Variants in COL22A1 observed in about 807,000 individuals in gnomAD.
COL22A1 encodes the protein collagen alpha-1(XXII) chain.
A neutral mutation model predicts 248.9 loss-of-function variants in COL22A1; 221 were observed. The observed-to-expected ratio is 0.89, with a 90% CI of 0.80 to 0.99. COL22A1 has a LOEUF of 0.99. Ranked by LOEUF, COL22A1 falls within the 50% of genes least tolerant of loss-of-function variation. The pLI is 0.00. For missense variants in COL22A1, 2,240 were observed against 2,179.0 expected (o/e 1.03, Z -0.56); for synonymous variants, 891 against 793.4 (o/e 1.12, Z -2.07).
chr8:138,885,538 C>A (rs1286281241), intron 1 of COL22A1, among the ~76,000 whole-genome samples: 1 of 152,118 alleles, frequency 6.6e-6, no homozygotes, highest in African/African-American at 2.4e-5. Context: ...CTCCTACCTA[C>A]TATATTCACC....
At chr8:138,778,220 C>CT (rs1563751224) in intron 15 of COL22A1, 133 bp downstream of exon 15, 1 of 919,120 alleles carries the variant, frequency 1.1e-6, no homozygotes, top group Admixed American at 1.9e-5. Context: ...AAAGGAGATA[C>CT]CAACACTTCA....
intron 5 of COL22A1, among the ~76,000 whole-genome samples, chr8:138,830,426 T>C (rs1032033610): frequency 6.6e-6 from 1 of 152,268 alleles, no homozygotes; most frequent in Non-Finnish European, 1.5e-5. Context: ...AAGTTTTATG[T>C]ATATGTGTTT....
chr8:138,799,384 A>G (rs953457703), intron 11 of COL22A1, among the ~76,000 whole-genome samples: 14 of 152,156 alleles, frequency 9.2e-5, no homozygotes, highest in Middle Eastern at 3.2e-3. Flanking sequence ...GTTTCTTAGC[A>G]TATCTCATAA....
At position 138,600,465 on chromosome 8, in the gene COL22A1, C is replaced by T. The variant is rs148789635; in HGVS notation, c.4186-1567G>A. Among the ~76,000 whole-genome samples the T allele has an allele frequency of 2.1e-4, 32 of 152,278 alleles. No individual in the cohort carries two copies. In the East Asian group the frequency reaches 5.6e-3, roughly 27 times the overall value. ...GAGTGAGACAATAGATAACGTCTGA[C>T]ATGCTCAGAGTGGGGAGGGGGTTAA... On this transcript the variant is annotated intron_variant, in intron 60 of 64. Coordinates refer to ENST00000303045, the MANE Select transcript of COL22A1 (RefSeq NM_152888.3).
intron 25 of COL22A1, among the ~76,000 whole-genome samples, chr8:138,722,721 G>A (rs886712857): frequency 6.6e-6 from 1 of 152,066 alleles, no homozygotes; most frequent in Non-Finnish European, 1.5e-5. Flanking sequence ...CTCACTCAAG[G>A]TCACAGAGCT....
intron 44 of COL22A1, among the ~76,000 whole-genome samples, chr8:138,656,981 T>C (rs1204733944): frequency 1.3e-5 from 2 of 152,170 alleles, no homozygotes; most frequent in Non-Finnish European, 2.9e-5. Context: ...AGCAAAACCA[T>C]GAAACAGGTA....
At chr8:138,617,097 G>A (rs2093694290) in intron 53 of COL22A1, 139 bp from the exon 54 acceptor site, 1 of 854,114 alleles carries the variant, frequency 1.2e-6, no homozygotes, top group Admixed American at 2.0e-5. Flanking sequence ...AGCCCTACTT[G>A]GTGCCATGCT....
At chr8:138,637,477 A>C (rs1465047834) in intron 47 of COL22A1, among the ~76,000 whole-genome samples, 6 of 152,244 alleles carry the variant, frequency 3.9e-5, no homozygotes, top group Admixed American at 3.3e-4. Context: ...TACAAGAACA[A>C]GAAAACAATG....
chr8:138,635,701 T>C (rs536755789), intron 48 of COL22A1, among the ~76,000 whole-genome samples: 16 of 152,234 alleles, frequency 1.1e-4, no homozygotes, highest in African/African-American at 3.8e-4. Flanking sequence ...AACAAATGAT[T>C]TCTCTGCCCT....
At chr8:138,892,363 C>T (rs1253764047) in intron 1 of COL22A1, among the ~76,000 whole-genome samples, 1 of 152,166 alleles carries the variant, frequency 6.6e-6, no homozygotes, top group East Asian at 1.9e-4. Flanking sequence ...ATGATCTCTA[C>T]TCTATCAGGG....
At chr8:138,896,242 G>GT (rs983850088) in intron 1 of COL22A1, among the ~76,000 whole-genome samples, 22 of 152,150 alleles carry the variant, frequency 1.4e-4, no homozygotes, top group African/African-American at 5.3e-4. Context: ...TTTTTCATGA[G>GT]TTTTTAAAAA....
At chr8:138,711,517 T>C (rs1828964596) in intron 30 of COL22A1, among the ~76,000 whole-genome samples, 1 of 152,216 alleles carries the variant, frequency 6.6e-6, no homozygotes, top group Non-Finnish European at 1.5e-5. Context: ...CTTTGCATTC[T>C]GGAAATGAGT....
At chr8:138,844,343 T>G (rs1821084473) in intron 3 of COL22A1, among the ~76,000 whole-genome samples, 185 bp from the exon 4 acceptor site, 1 of 152,272 alleles carries the variant, frequency 6.6e-6, no homozygotes, top group African/African-American at 2.4e-5. Context: ...TGTGTATTTG[T>G]TAAGCATCAA....
chr8:138,759,582 C>T (rs185560897), intron 18 of COL22A1, among the ~76,000 whole-genome samples: 2 of 152,288 alleles, frequency 1.3e-5, no homozygotes, highest in Admixed American at 6.5e-5. Context: ...TTTCCTTCTT[C>T]GTGACCCTCA....
Position 138,609,163 on chromosome 8 carries a change from A to C in COL22A1, c.3979-1174T>G, listed in dbSNP as rs189413486. On this transcript the variant is annotated intron_variant, in intron 56 of 64. Coordinates refer to ENST00000303045, the MANE Select transcript of COL22A1 (RefSeq NM_152888.3). ...TTCTTCTAAGAGCTTTGCATTTTGC[A>C]TGCATTAACTCACTCATTGCTCACA... Among the ~76,000 whole-genome samples the C allele has an allele frequency of 1.0e-3, 153 of 152,368 alleles. 1 individual carries two copies. Among genetic ancestry groups the C allele is most frequent in the Middle Eastern group, 6.8e-3 (2 of 294 alleles).
intron 59 of COL22A1, 41 bp downstream of exon 59, chr8:138,604,693 G>C (rs372325721): frequency 2.5e-6 from 4 of 1,594,866 alleles, no homozygotes. Context: ...CCCATTGGTG[G>C]TAAAGGGTTG....
chr8:138,607,140 G>A (rs931780103), intron 57 of COL22A1, among the ~76,000 whole-genome samples: 2 of 152,128 alleles, frequency 1.3e-5, no homozygotes, highest in African/African-American at 2.4e-5. Context: ...CAGGATGCAG[G>A]ATTTTCCAGT....
At chr8:138,701,749 A>G (rs752354692) in intron 31 of COL22A1, among the ~76,000 whole-genome samples, 9 of 152,370 alleles carry the variant, frequency 5.9e-5, no homozygotes, top group Non-Finnish European at 8.8e-5. Context: ...AATGAAGTTC[A>G]AGCTGCTAGT....
At chr8:138,811,260 CATAT>C (rs772821836) in intron 9 of COL22A1, among the ~76,000 whole-genome samples, 1 of 146,912 alleles carries the variant, frequency 6.8e-6, no homozygotes, top group African/African-American at 2.5e-5. Context: ...CAAAACTCTA[CATAT>C]ATATATATAC....
Sources: gnomAD v4.1 joint callset for allele counts (sites outside exome capture counted in the v4.1 genomes callset) on GRCh38, gnomAD v4.1.1 for gene constraint, MANE v1.5 for transcripts, NCBI Gene and HGNC (gene_info 2026-07-23, HGNC 2026-07-21) for gene names.